TLL2: variants seen among roughly 807,000 people sequenced by gnomAD.
TLL2 encodes tolloid like 2.
A neutral mutation model predicts 123.0 loss-of-function variants in TLL2; 106 were observed. The observed-to-expected ratio is 0.86, with a 90% CI of 0.74 to 1.01. TLL2 has a LOEUF of 1.01. TLL2 is among the 50% of genes least tolerant of loss of function. The pLI is 0.00. For synonymous variants in TLL2, 494 were observed against 516.8 expected (o/e 0.96, Z 0.60); for missense variants, 1,332 against 1,336.7 (o/e 1.00, Z 0.06).
At position 96,476,222 on chromosome 10, in the gene TLL2, GTA is replaced by G. The variant is rs72052618; in HGVS notation, c.286+4125_286+4126del. Among the ~76,000 whole-genome samples the G allele has an allele frequency of 5.3e-4, 49 of 93,290 alleles. 1 individual carries two copies. The South Asian group carries it at 0.017, about 32-fold the overall frequency. The allele number at this position is 93,290 out of a possible 152,430, so 61.2% of individuals were successfully genotyped here. ...GTGTGGTTCCTTTTTAATTTTATAT[GTA>G]TATATATATATATATATTTTATTTT... On this transcript the variant is annotated intron_variant, in intron 2 of 20. Transcript: ENST00000357947.
intron 3 of TLL2, among the ~76,000 whole-genome samples, chr10:96,445,669 G>A (rs945852894): frequency 7.2e-5 from 11 of 152,126 alleles, no homozygotes; most frequent in African/African-American, 2.7e-4. Context: ...CACGATCCAT[G>A]CACAAGGCAG....
chr10:96,396,965 G>A (rs868025204), intron 11 of TLL2, among the ~76,000 whole-genome samples: 13 of 152,180 alleles, frequency 8.5e-5, no homozygotes, highest in African/African-American at 2.7e-4. Flanking sequence ...GTGGGATGGC[G>A]TCAGAAGGAT....
At chr10:96,373,223 ATC>A (rs1408894612) in intron 19 of TLL2, 2 of 244,912 alleles carry the variant, frequency 8.2e-6, no homozygotes, top group Admixed American at 1.0e-4. Context: ...GCTCACTGCA[ATC>A]TCTGCCTCCA....
intron 9 of TLL2, among the ~76,000 whole-genome samples, chr10:96,408,693 A>G (rs1355131641): frequency 6.6e-6 from 1 of 152,218 alleles, no homozygotes; most frequent in Non-Finnish European, 1.5e-5. Flanking sequence ...GAGCCAAAGG[A>G]AGGATGTATA....
intron 7 of TLL2, 129 bp from the exon 8 acceptor site, chr10:96,413,445 G>C (rs973746398): frequency 5.8e-6 from 7 of 1,200,638 alleles, no homozygotes; most frequent in Non-Finnish European, 8.0e-6. Context: ...GCCTCTCCCA[G>C]GCTGGCATGA....
intron 7 of TLL2, among the ~76,000 whole-genome samples, chr10:96,416,326 C>T (rs1022921411): frequency 6.6e-5 from 10 of 152,218 alleles, no homozygotes; most frequent in Admixed American, 3.3e-4. Flanking sequence ...GGCATAGAGG[C>T]CATGTTCTTG....
chr10:96,465,530 A>G (rs926510152), intron 2 of TLL2, among the ~76,000 whole-genome samples: 1 of 152,194 alleles, frequency 6.6e-6, no homozygotes, highest in Non-Finnish European at 1.5e-5. Context: ...AACCCTCAAG[A>G]AAAGGAAGAA....
At chr10:96,396,400 G>A (rs1048632114) in intron 11 of TLL2, among the ~76,000 whole-genome samples, 10 of 152,142 alleles carry the variant, frequency 6.6e-5, no homozygotes, top group African/African-American at 2.2e-4. Flanking sequence ...AGAGAGTACA[G>A]GACCGCTGGT....
chr10:96,494,892 C>A lies in TLL2; in HGVS notation c.176-14433G>T, dbSNP rs184219684. Among the ~76,000 whole-genome samples, 3 of 152,308 alleles carry A rather than the reference C, an allele frequency of 2.0e-5. No individual in the cohort carries two copies. The East Asian group carries it at 5.8e-4, about 29-fold the overall frequency. ...CAACCCAGATCTATGAAATCAGAAT[C>A]TCTGAAGTCAGCACCCAGGAATACG... On this transcript the variant is annotated intron_variant, in intron 1 of 20. Coordinates refer to ENST00000357947, the MANE Select transcript of TLL2 (RefSeq NM_012465.4).
At chr10:96,426,850 A>G (rs1039005766) in intron 5 of TLL2, among the ~76,000 whole-genome samples, 1 of 152,036 alleles carries the variant, frequency 6.6e-6, no homozygotes, top group Non-Finnish European at 1.5e-5. Context: ...TAGCTCTGTA[A>G]TGTTTCACCT....
At position 96,370,310 on chromosome 10, in the gene TLL2, C is replaced by A; in HGVS notation, c.2668G>T (p.Gly890Trp). 3.8e-6 allele frequency: 6 copies of A among 1,574,978 alleles called. No homozygotes were observed. Among genetic ancestry groups the A allele is most frequent in the Non-Finnish European group, 5.2e-6 (6 of 1,158,732 alleles). The change falls in exon 20 of 21, where the codon GGG (glycine) becomes TGG (tryptophan). Residue 890 changes from glycine to tryptophan, a missense_variant. Gly to Trp is a radical substitution (Grantham distance 184, BLOSUM62 -2). Transcript: ENST00000357947. ...GFQAVHSTECGGRLKAEVQTK... is the reference protein window; with the variant it reads ...GFQAVHSTECWGRLKAEVQTK... ...TGCACTTCAGCCTTCAGCCTGCCCC[C>A]GCACTCTGGAGCAGAGAGAAGTGAG...
chr10:96,490,488 G>A (rs1847401635), intron 1 of TLL2, among the ~76,000 whole-genome samples: 1 of 152,320 alleles, frequency 6.6e-6, no homozygotes, highest in South Asian at 2.1e-4. Flanking sequence ...GATAAAACAG[G>A]TCTTGCACAT....
Position 96,366,093 on chromosome 10 carries a change from A to G in TLL2, c.*1995T>C, listed in dbSNP as rs917557775. ...CCATAACACCCATCTTAGGTTTCCC[A>G]GTTCCAGTTTCAACTCTCATAGACA... On this transcript the variant is annotated 3_prime_UTR_variant, in exon 21 of 21. Transcript: ENST00000357947. 11 of 152,238 alleles carry G rather than the reference A, an allele frequency of 7.2e-5. No individual in the cohort carries two copies. The highest frequency in any genetic ancestry group is 1.2e-4 in the Non-Finnish European group (8 of 68,040). The allele number at this position is 152,238 out of a possible 1,614,324, so 9.4% of individuals were successfully genotyped here. A position where few individuals can be genotyped will look rare whatever the true frequency, so the allele number is the denominator to read the frequency against.
chr10:96,441,721 GGTGA>G (rs1394318979), intron 3 of TLL2, among the ~76,000 whole-genome samples: 1 of 152,192 alleles, frequency 6.6e-6, no homozygotes, highest in Non-Finnish European at 1.5e-5. Context: ...AAATGCCTGC[GGTGA>G]GTAAGGGCTC....
At chr10:96,376,649 A>T (rs1275922603) in intron 18 of TLL2, 43 bp downstream of exon 18, 1 of 1,603,316 alleles carries the variant, frequency 6.2e-7, no homozygotes, top group Non-Finnish European at 8.5e-7. Context: ...CATCTGCCTG[A>T]TACTCAAGTC....
intron 1 of TLL2, among the ~76,000 whole-genome samples, chr10:96,482,152 A>G (rs967098652): frequency 6.6e-6 from 1 of 151,806 alleles, no homozygotes; most frequent in African/African-American, 2.4e-5. Flanking sequence ...CAGCTACTCC[A>G]GAGGCTGAGG....
In TLL2 at chr10:96,432,911, G is replaced by A. The variant is rs374660807; in HGVS notation, c.416C>T (p.Ala139Val). 1.2e-6 allele frequency: 2 copies of A among 1,614,008 alleles called. No homozygotes were observed. The highest frequency in any genetic ancestry group is 1.7e-6 in the Non-Finnish European group (2 of 1,180,026). Residue 139 changes from alanine (A) to valine (V), a missense_variant, in exon 4 of 21, where the codon GCA becomes GTA. Coordinates refer to ENST00000357947, the MANE Select transcript of TLL2 (RefSeq NM_012465.4). ...LLHSPGTLHA[A>V]AKTFSPRVRR... ...GACCCGGGGAGAGAAGGTCTTGGCT[G>A]CGGCATGCAAGGTCCCAGGGCTGTG...
At chr10:96,452,449 G>A (rs919452017) in intron 2 of TLL2, among the ~76,000 whole-genome samples, 23 of 152,202 alleles carry the variant, frequency 1.5e-4, no homozygotes, top group African/African-American at 5.3e-4. Context: ...TCCAGCTCAC[G>A]GCCAGCTAGA....
Position 96,367,811 on chromosome 10 carries a change from C to T in TLL2, c.*277G>A, listed in dbSNP as rs536004988. The T allele has an allele frequency of 3.5e-3, 1,238 of 348,750 alleles. 2 individuals carry two copies. Among genetic ancestry groups the T allele is most frequent in the Non-Finnish European group, 5.3e-3 (978 of 185,750 alleles). 21.6% of individuals were successfully genotyped at this position (348,750 alleles called of 1,614,324 possible). ...GGAGAATGGTATGAAGAAGCATAGC[C>T]GGAATGGTCAGTGACTTCAATCCTA... is the stretch of plus-strand genomic sequence containing the variant. On this transcript the variant is annotated 3_prime_UTR_variant, in exon 21 of 21. Coordinates refer to ENST00000357947, the MANE Select transcript of TLL2 (RefSeq NM_012465.4).
Sources: allele counts gnomAD v4.1 joint callset (sites outside exome capture counted in the v4.1 genomes callset), GRCh38; gene constraint gnomAD v4.1.1; transcripts MANE v1.5; gene names NCBI Gene and HGNC (gene_info 2026-07-23, HGNC 2026-07-21).